C7: variants seen among roughly 807,000 people sequenced by gnomAD.
The protein encoded by C7 is complement C7.
Under a neutral mutation model 104.8 loss-of-function variants are expected in C7, and 83 were observed. The ratio of observed to expected loss-of-function variants is 0.79; its 90% confidence interval spans 0.66 to 0.95. C7 has a LOEUF of 0.95. Among genes scored for constraint, C7 ranks in the 40% least tolerant of loss-of-function variants. The pLI is 0.00. For missense variants in C7, 1,070 were observed against 1,011.2 expected (o/e 1.06, Z -0.79); for synonymous variants, 415 against 360.6 (o/e 1.15, Z -1.71).
At chr5:40,966,219 G>C (rs796407080) in intron 14 of C7, among the ~76,000 whole-genome samples, 5 of 152,134 alleles carry the variant, frequency 3.3e-5, no homozygotes, top group African/African-American at 1.2e-4. Context: ...CACTCAGGCA[G>C]TACACACTGC....
At chr5:40,928,267 T>G (rs940086158) in intron 1 of C7, among the ~76,000 whole-genome samples, 6 of 152,120 alleles carry the variant, frequency 3.9e-5, no homozygotes, top group Non-Finnish European at 8.8e-5. Context: ...GAAATAAAGG[T>G]CAAAGGGTAC....
chr5:40,921,889 T>C (rs1330400902), intron 1 of C7, among the ~76,000 whole-genome samples: 2 of 149,028 alleles, frequency 1.3e-5, no homozygotes, highest in African/African-American at 2.5e-5. Context: ...AATACAATAA[T>C]CAGCCAGGCG....
At chr5:40,980,582 A>G (rs1292673361) in intron 17 of C7, among the ~76,000 whole-genome samples, 1 of 152,118 alleles carries the variant, frequency 6.6e-6, no homozygotes, top group African/African-American at 2.4e-5. Flanking sequence ...AGCACAGCAA[A>G]CCTCCCATGA....
chr5:40,928,298 T>G (rs748085811), intron 1 of C7, among the ~76,000 whole-genome samples: 3 of 152,132 alleles, frequency 2.0e-5, no homozygotes, highest in Non-Finnish European at 4.4e-5. Flanking sequence ...TTAGCAGAAA[T>G]ATATTTTGAA....
Position 40,909,618 on chromosome 5 carries a change from TA to T in C7, c.6+4del. On this transcript the variant is annotated splice_donor_region_variant and intron_variant, in intron 1 of 17. Transcript: ENST00000313164. ...CTGAATGTTTTCCCAAACATGAAGG[TA>T]AGACAATAAATTCATTACTTTTGTA... is the stretch of plus-strand genomic sequence containing the variant. 6.5e-7 allele frequency: 1 copy of T among 1,545,528 alleles called. No individual in the cohort carries two copies. Among genetic ancestry groups the T allele is most frequent in the Middle Eastern group, 1.7e-4 (1 of 5,814 alleles).
chr5:40,979,339 A>C (rs1159032614), intron 16 of C7, among the ~76,000 whole-genome samples: 1 of 152,164 alleles, frequency 6.6e-6, no homozygotes, highest in African/African-American at 2.4e-5. Flanking sequence ...TTCTCCTGCA[A>C]TTAATGGTCC....
intron 1 of C7, among the ~76,000 whole-genome samples, chr5:40,919,158 C>G (rs191920587): frequency 7.3e-4 from 108 of 148,926 alleles, no homozygotes; most frequent in Non-Finnish European, 1.2e-3. Flanking sequence ...GAGTCTTGCT[C>G]TGTCACCCAG....
Position 40,964,815 on chromosome 5 carries a change from C to T in C7, c.1824C>T (p.Asn608=). The part of the protein sequence containing the change: ...TCNEGYSLIG[N]PVARCGEDLR... ...ATGAAGGATACTCTCTTATTGGAAA[C>T]CCAGTGGCCAGATGTGGAGAAGATT... The change falls in exon 14 of 18, where the codon AAC becomes AAT. Residue 608 remains asparagine, a synonymous_variant. Coordinates refer to ENST00000313164, the MANE Select transcript of C7 (RefSeq NM_000587.4). The T allele has an allele frequency of 3.1e-6, 5 of 1,613,672 alleles. No homozygotes were observed. In the East Asian group the frequency reaches 8.9e-5, roughly 29 times the overall value.
chr5:40,964,522 T>C (rs961307750), intron 13 of C7: 3 of 410,244 alleles, frequency 7.3e-6, no homozygotes, highest in Non-Finnish European at 1.3e-5. Flanking sequence ...GAGCAATCAA[T>C]ACATTATAGA....
chr5:40,980,870 A>G (rs1740927393), intron 17 of C7, among the ~76,000 whole-genome samples: 1 of 152,018 alleles, frequency 6.6e-6, no homozygotes, highest in South Asian at 2.1e-4. Flanking sequence ...CTTGTTACTC[A>G]TCTTTGGAAG....
In C7 at chr5:40,934,378, T is replaced by G; in HGVS notation, c.192T>G (p.Val64=). ...GGCAGTATGGAGGCCAGCCTTGTGT[T>G]GGAAATGCTTTTGAAACACAGTCCT... The part of the protein sequence containing the change: ...VYGQYGGQPC[V]GNAFETQSCE... Residue 64 remains valine, a synonymous_variant, in exon 4 of 18, where the codon GTT becomes GTG. Transcript: ENST00000313164. 1.2e-6 allele frequency: 2 copies of G among 1,613,746 alleles called. No individual in the cohort carries two copies. The highest frequency in any genetic ancestry group is 1.7e-6 in the Non-Finnish European group (2 of 1,179,718).
chr5:40,939,114 T>C (rs1440563023), intron 6 of C7, among the ~76,000 whole-genome samples: 1 of 152,134 alleles, frequency 6.6e-6, no homozygotes. Flanking sequence ...ACTACTGAAA[T>C]GTTCAGACAA....
Position 40,945,295 on chromosome 5 carries a change from G to C in C7, c.665G>C (p.Arg222Pro). 1.2e-6 allele frequency: 2 copies of C among 1,607,578 alleles called. No homozygotes were observed. The highest frequency in any genetic ancestry group is 8.5e-7 in the Non-Finnish European group (1 of 1,176,794). The change falls in exon 7 of 18, where the codon CGC becomes CCC. Residue 222 changes from arginine to proline, a missense_variant. By Grantham distance (103) the Arg-to-Pro change is moderately radical. Coordinates refer to ENST00000313164, the MANE Select transcript of C7 (RefSeq NM_000587.4). ...STEHTSSSRK[R>P]SFFRSSSSSS... is the part of the protein sequence containing the mutation. ...GAACACACATCATCTAGTCGGAAGC[G>C]CTCCTTTTTTAGATCTTCATCATCT... is the stretch of plus-strand genomic sequence containing the variant.
intron 15 of C7, among the ~76,000 whole-genome samples, chr5:40,975,306 A>G (rs922742040): frequency 6.6e-6 from 1 of 151,708 alleles, no homozygotes; most frequent in Non-Finnish European, 1.5e-5. Context: ...TTTATGTTCT[A>G]GGGTCCAGTT....
intron 14 of C7, among the ~76,000 whole-genome samples, chr5:40,970,143 A>G (rs1400240481): frequency 6.6e-6 from 1 of 152,156 alleles, no homozygotes; most frequent in Non-Finnish European, 1.5e-5. Context: ...ATATTCATGG[A>G]GTATTAGCTC....
chr5:40,941,144 A>G (rs922043133), intron 6 of C7, among the ~76,000 whole-genome samples: 2 of 150,640 alleles, frequency 1.3e-5, no homozygotes, highest in African/African-American at 2.4e-5. Context: ...GCTCACTGCA[A>G]CCTCTGCCTC....
chr5:40,959,332 G>T lies in C7; in HGVS notation c.1490-117G>T. The T allele has an allele frequency of 3.5e-6, 3 of 867,838 alleles. No individual in the cohort carries two copies. The South Asian group carries it at 5.7e-5, about 16-fold the overall frequency. 53.8% of individuals were successfully genotyped at this position (867,838 alleles called of 1,614,324 possible). On this transcript the variant is annotated intron_variant, in intron 11 of 17. Coordinates refer to ENST00000313164, the MANE Select transcript of C7 (RefSeq NM_000587.4). ...GTAGAAAACCTCAATGAAGAGTGAA[G>T]GTAATCAATATCCAGAATGATCTCT...
intron 7 of C7, among the ~76,000 whole-genome samples, chr5:40,945,908 ATG>A (rs1334823132): frequency 8.9e-5 from 12 of 134,918 alleles, no homozygotes; most frequent in South Asian, 2.5e-4. Flanking sequence ...ATATATATAT[ATG>A]TATATTTAGT....
intron 6 of C7, among the ~76,000 whole-genome samples, chr5:40,939,848 C>G (rs1342330168): frequency 6.6e-6 from 1 of 152,230 alleles, no homozygotes; most frequent in Non-Finnish European, 1.5e-5. Flanking sequence ...ACAACGTGAT[C>G]CTGACATTCA....
Sources: allele counts gnomAD v4.1 joint callset (sites outside exome capture counted in the v4.1 genomes callset), GRCh38; gene constraint gnomAD v4.1.1; transcripts MANE v1.5; gene names NCBI Gene and HGNC (gene_info 2026-07-23, HGNC 2026-07-21).